PLEK: variants seen among roughly 807,000 people sequenced by gnomAD.
The protein encoded by PLEK is pleckstrin, also known as platelet 47 kDa protein.
In PLEK, 25 loss-of-function variants were observed where a neutral mutation model predicts 43.9. That is an observed-to-expected ratio of 0.57 (90% CI 0.41 to 0.79). The LOEUF (loss-of-function observed/expected upper bound fraction) is 0.79, where lower values mean the gene tolerates loss of function less well. Among genes scored for constraint, PLEK ranks in the 30% least tolerant of loss-of-function variants. The pLI is 0.00. For synonymous variants in PLEK, 152 were observed against 144.4 expected (o/e 1.05, Z -0.38); for missense variants, 396 against 413.3 (o/e 0.96, Z 0.36).
chr2:68,365,421 G>A, intron 1 of PLEK, 28 bp downstream of exon 1: 2 of 1,594,824 alleles, frequency 1.3e-6, no homozygotes, highest in South Asian at 2.2e-5. Context: ...TTACCAGGGT[G>A]TCAGTGGACA....
At chr2:68,377,703 T>C (rs1368446643) in intron 1 of PLEK, among the ~76,000 whole-genome samples, 2 of 152,238 alleles carry the variant, frequency 1.3e-5, no homozygotes, top group African/African-American at 4.8e-5. Flanking sequence ...TTGCAAATAT[T>C]TTCTGTCATT....
Position 68,396,601 on chromosome 2 carries a change from T to A in PLEK, c.*785T>A, listed in dbSNP as rs1673968157. On this transcript the variant is annotated 3_prime_UTR_variant, in exon 9 of 9. Coordinates refer to ENST00000234313, the MANE Select transcript of PLEK (RefSeq NM_002664.3). ...GCCCTATTCCACTCTGGTTTTAGGCTGATCTGAGAGGGTCTCCCTTTGTTC... is the reference window on the plus strand; with the variant it reads ...GCCCTATTCCACTCTGGTTTTAGGCAGATCTGAGAGGGTCTCCCTTTGTTC... 6.6e-6 allele frequency: 1 copy of A among 152,176 alleles called. No individual in the cohort carries two copies. Among genetic ancestry groups the A allele is most frequent in the Non-Finnish European group, 1.5e-5 (1 of 68,050 alleles). The allele number at this position is 152,176 out of a possible 1,614,324, so 9.4% of individuals were successfully genotyped here.
At chr2:68,369,386 T>C (rs1673347689) in intron 1 of PLEK, among the ~76,000 whole-genome samples, 1 of 151,862 alleles carries the variant, frequency 6.6e-6, no homozygotes, top group Admixed American at 6.6e-5. Context: ...CGTACTGCAG[T>C]GACATTCTTT....
intron 6 of PLEK, among the ~76,000 whole-genome samples, chr2:68,390,859 G>A (rs1673844255): frequency 6.6e-6 from 1 of 152,162 alleles, no homozygotes; most frequent in Middle Eastern, 3.2e-3. Context: ...GTTTGAGGAT[G>A]AATGATCTTA....
At chr2:68,389,360 G>GTAAT (rs1160334691) in intron 6 of PLEK, among the ~76,000 whole-genome samples, 8 of 152,276 alleles carry the variant, frequency 5.3e-5, no homozygotes. Context: ...GTGCTGCTCA[G>GTAAT]TATATAATGG....
At chr2:68,393,292 G>A (rs1208715511) in intron 7 of PLEK, 47 bp downstream of exon 7, 2 of 1,222,198 alleles carry the variant, frequency 1.6e-6, no homozygotes, top group Non-Finnish European at 2.4e-6. Context: ...TAAATCCACT[G>A]CATTTATAAT....
In PLEK at chr2:68,372,784, G is replaced by GCTAAGTGGT. The variant is rs371246933; in HGVS notation, c.42+7396_42+7404dup. Among the ~76,000 whole-genome samples the GCTAAGTGGT allele has an allele frequency of 1.6e-3, 249 of 152,112 alleles. 1 individual carries two copies. The highest frequency in any genetic ancestry group is 5.9e-3 in the African/African-American group (243 of 41,498). Reference sequence around the variant, plus strand: ...TATCTCCATTGAAGTGAAATAGCTAGCTAAGTGGTCTAAAGAAATCGATAC... The same window carrying GCTAAGTGGT: ...TATCTCCATTGAAGTGAAATAGCTAGCTAAGTGGTCTAAGTGGTCTAAAGAAATCGATAC... On this transcript the variant is annotated intron_variant, in intron 1 of 8. Transcript: ENST00000234313.
intron 1 of PLEK, among the ~76,000 whole-genome samples, chr2:68,370,838 T>C (rs1040329006): frequency 6.6e-6 from 1 of 152,166 alleles, no homozygotes; most frequent in African/African-American, 2.4e-5. Context: ...ATAGGAGCCA[T>C]TCTATCATTA....
In PLEK at chr2:68,396,383, G is replaced by GT. The variant is rs1038642247; in HGVS notation, c.*568dup. On this transcript the variant is annotated 3_prime_UTR_variant, in exon 9 of 9. Transcript: ENST00000234313. ...TACTTGCTCTTGGCCTTGAGATCGT[G>GT]TAACAAAATGAAGGAGGGCTCTCTT... is the stretch of plus-strand genomic sequence containing the variant. 6.6e-6 allele frequency: 1 copy of GT among 152,090 alleles called. No homozygotes were observed. The highest frequency in any genetic ancestry group is 2.4e-5 in the African/African-American group (1 of 41,420). 9.4% of individuals were successfully genotyped at this position (152,090 alleles called of 1,614,324 possible).
At chr2:68,390,889 C>T (rs1251614421) in intron 6 of PLEK, among the ~76,000 whole-genome samples, 2 of 152,150 alleles carry the variant, frequency 1.3e-5, no homozygotes, top group Admixed American at 1.3e-4. Flanking sequence ...CAGTATAATC[C>T]CTTTTTACAT....
chr2:68,391,343 A>G (rs1018131915), intron 6 of PLEK, among the ~76,000 whole-genome samples: 1 of 152,212 alleles, frequency 6.6e-6, no homozygotes, highest in Non-Finnish European at 1.5e-5. Context: ...ATTGCATAAT[A>G]CAGCATGACA....
chr2:68,396,343 T>C lies in PLEK; in HGVS notation c.*527T>C, dbSNP rs529429896. 13 of 152,578 alleles carry C rather than the reference T, an allele frequency of 8.5e-5. No individual in the cohort carries two copies. The highest frequency in any genetic ancestry group is 2.2e-4 in the African/African-American group (9 of 41,534). The allele number at this position is 152,578 out of a possible 1,614,324, so 9.5% of individuals were successfully genotyped here. A position where few individuals can be genotyped will look rare whatever the true frequency, so the allele number is the denominator to read the frequency against. ...TACCAGGAAGAAACCTCTTTTGTTC[T>C]CTTTAGACATCTTCTACTTGCTCTT... is the stretch of plus-strand genomic sequence containing the variant. On this transcript the variant is annotated 3_prime_UTR_variant, in exon 9 of 9. Coordinates refer to ENST00000234313, the MANE Select transcript of PLEK (RefSeq NM_002664.3).
intron 8 of PLEK, among the ~76,000 whole-genome samples, chr2:68,395,011 G>A (rs968998161): frequency 8.4e-6 from 1 of 118,966 alleles, no homozygotes; most frequent in African/African-American, 3.3e-5. Flanking sequence ...AGGGCAGGGA[G>A]CATGCTGGTT....
intron 4 of PLEK, among the ~76,000 whole-genome samples, chr2:68,383,861 A>G (rs1455263802): frequency 6.6e-6 from 1 of 152,210 alleles, no homozygotes; most frequent in African/African-American, 2.4e-5. Context: ...ATCACTGACG[A>G]TGAGATAGTC....
intron 1 of PLEK, among the ~76,000 whole-genome samples, chr2:68,367,806 T>G (rs886980630): frequency 2.0e-5 from 3 of 152,232 alleles, no homozygotes; most frequent in Non-Finnish European, 4.4e-5. Flanking sequence ...AAAAGGCTCT[T>G]AGAAGCCTTG....
At chr2:68,385,561 C>T (rs577401664) in intron 4 of PLEK, among the ~76,000 whole-genome samples, 2 of 150,902 alleles carry the variant, frequency 1.3e-5, no homozygotes, top group Non-Finnish European at 3.0e-5. Context: ...CCCTTCACCT[C>T]CCTCCTCCTC....
chr2:68,378,349 A>G (rs1374527730), intron 1 of PLEK, among the ~76,000 whole-genome samples: 3 of 152,238 alleles, frequency 2.0e-5, no homozygotes, highest in African/African-American at 7.2e-5. Flanking sequence ...TACTTCAAGC[A>G]TCATTGGATG....
rs894828527 is a variant in PLEK, at chr2:68,397,254, C to G, written c.*1438C>G. On this transcript the variant is annotated 3_prime_UTR_variant, in exon 9 of 9. Coordinates refer to ENST00000234313, the MANE Select transcript of PLEK (RefSeq NM_002664.3). ...CCTCTCTTGCCCTCCCTCAATTCCC[C>G]TGTAACATTCCTGAAGCTGTTCCCA... 6.6e-6 allele frequency: 1 copy of G among 152,116 alleles called. No homozygotes were observed. The highest frequency in any genetic ancestry group is 1.5e-5 in the Non-Finnish European group (1 of 68,022). The allele number at this position is 152,116 out of a possible 1,614,324, so 9.4% of individuals were successfully genotyped here. A position where few individuals can be genotyped will look rare whatever the true frequency, so the allele number is the denominator to read the frequency against.
chr2:68,393,577 C>G (rs931040595), intron 7 of PLEK, among the ~76,000 whole-genome samples: 8 of 152,102 alleles, frequency 5.3e-5, no homozygotes, highest in African/African-American at 1.7e-4. Flanking sequence ...GGTGATAATT[C>G]CTCATCCAGG....
Sources: allele counts gnomAD v4.1 joint callset (sites outside exome capture counted in the v4.1 genomes callset), GRCh38; gene constraint gnomAD v4.1.1; transcripts MANE v1.5; gene names NCBI Gene and HGNC (gene_info 2026-07-23, HGNC 2026-07-21).